The following GRM5 variants were observed in gnomAD, a reference collection of about 807,000 sequenced individuals.
The protein encoded by GRM5 is glutamate metabotropic receptor 5, also known as metabotropic glutamate receptor 5.
A neutral mutation model predicts 83.1 loss-of-function variants in GRM5; 19 were observed. The observed-to-expected ratio is 0.23, with a 90% CI of 0.16 to 0.34. GRM5 has a LOEUF of 0.34. Ranked by LOEUF, GRM5 falls within the 10% of genes least tolerant of loss-of-function variation. The probability of loss-of-function intolerance (pLI) is 1.00; values close to 1 mark genes in which losing one functional copy is unlikely to be tolerated. For missense variants in GRM5, 1,160 were observed against 1,588.3 expected (o/e 0.73, Z 4.58); for synonymous variants, 675 against 633.6 (o/e 1.07, Z -0.98).
At chr11:88,678,203 G>C (rs939663969) in intron 3 of GRM5, among the ~76,000 whole-genome samples, 3 of 151,900 alleles carry the variant, frequency 2.0e-5, no homozygotes, top group Non-Finnish European at 4.4e-5. Flanking sequence ...GACCTTCAGA[G>C]GTGTGCCACC....
At chr11:89,042,007 G>A (rs1398788204) in intron 2 of GRM5, among the ~76,000 whole-genome samples, 1 of 152,132 alleles carries the variant, frequency 6.6e-6, no homozygotes, top group African/African-American at 2.4e-5. Flanking sequence ...CTAATTTACA[G>A]ATCAAGAGCA....
chr11:88,831,795 A>G (rs2135520473), intron 3 of GRM5, among the ~76,000 whole-genome samples: 1 of 152,220 alleles, frequency 6.6e-6, no homozygotes, highest in Non-Finnish European at 1.5e-5. Flanking sequence ...TGCTACTCCC[A>G]TCACCAACAC....
intron 3 of GRM5, among the ~76,000 whole-genome samples, chr11:88,678,747 C>G (rs6483361): frequency 0.99 from 151,308 of 152,292 alleles, 75,175 homozygotes; most frequent in East Asian, 1. Flanking sequence ...TCTGAGGCTA[C>G]AAAGAATTCC....
intron 2 of GRM5, among the ~76,000 whole-genome samples, chr11:88,984,232 C>A (rs1939616747): frequency 6.6e-6 from 1 of 152,164 alleles, no homozygotes. Flanking sequence ...TCTAATCTTT[C>A]AAGCTTCATT....
chr11:89,008,324 A>G (rs1312759719), intron 2 of GRM5, among the ~76,000 whole-genome samples: 1 of 152,136 alleles, frequency 6.6e-6, no homozygotes, highest in African/African-American at 2.4e-5. Flanking sequence ...ATTCAAAATA[A>G]AATTAAATTT....
intron 2 of GRM5, among the ~76,000 whole-genome samples, chr11:88,977,371 C>T (rs1939376407): frequency 6.6e-6 from 1 of 151,994 alleles, no homozygotes; most frequent in African/African-American, 2.4e-5. Context: ...CGCCACCACA[C>T]CCAGCTAATT....
At chr11:88,530,389 A>C (rs1316352934) in intron 8 of GRM5, among the ~76,000 whole-genome samples, 1 of 151,984 alleles carries the variant, frequency 6.6e-6, no homozygotes, top group Non-Finnish European at 1.5e-5. Context: ...AGATTTAATA[A>C]ATTTCAGAAT....
intron 4 of GRM5, among the ~76,000 whole-genome samples, chr11:88,607,487 C>A (rs1418240235): frequency 6.6e-6 from 1 of 152,100 alleles, no homozygotes; most frequent in Non-Finnish European, 1.5e-5. Flanking sequence ...GCCCATCTTC[C>A]CTGCACTCCA....
chr11:88,972,791 A>C (rs1490718167), intron 2 of GRM5, among the ~76,000 whole-genome samples: 3 of 152,098 alleles, frequency 2.0e-5, no homozygotes, highest in Non-Finnish European at 4.4e-5. Context: ...TCTAGTGTAG[A>C]AATCTCACAG....
intron 2 of GRM5, among the ~76,000 whole-genome samples, chr11:89,039,278 A>AAT (rs201313831): frequency 0.015 from 2,244 of 149,124 alleles, 56 homozygotes; most frequent in Admixed American, 0.069. Context: ...ATAAAAAAAA[A>AAT]ATATATATAT....
At chr11:88,871,824 T>C (rs1239813063) in intron 2 of GRM5, among the ~76,000 whole-genome samples, 1 of 151,474 alleles carries the variant, frequency 6.6e-6, no homozygotes, top group East Asian at 1.9e-4. Flanking sequence ...CTTATTAAAG[T>C]TATTTACTAG....
At chr11:88,722,480 C>T (rs181556742) in intron 3 of GRM5, among the ~76,000 whole-genome samples, 69 of 152,242 alleles carry the variant, frequency 4.5e-4, no homozygotes, top group African/African-American at 1.6e-3. Context: ...AACTTTTGTA[C>T]ATTTCAGAAG....
intron 5 of GRM5, among the ~76,000 whole-genome samples, chr11:88,599,145 G>C (rs933279998): frequency 1.3e-5 from 2 of 152,098 alleles, no homozygotes; most frequent in Admixed American, 6.6e-5. Context: ...ATATTGTAAG[G>C]CTTTTATCTC....
chr11:88,961,135 G>C (rs1354619919), intron 2 of GRM5, among the ~76,000 whole-genome samples: 4 of 152,088 alleles, frequency 2.6e-5, no homozygotes, highest in African/African-American at 9.7e-5. Flanking sequence ...AATTCTTCAA[G>C]AATAGCCTAA....
intron 8 of GRM5, among the ~76,000 whole-genome samples, chr11:88,530,774 A>G (rs572844378): frequency 1.3e-5 from 2 of 152,200 alleles, no homozygotes; most frequent in East Asian, 3.9e-4. Flanking sequence ...AAATGTGTAT[A>G]TTAGGTGAAG....
chr11:88,729,174 A>G (rs1267927764), intron 3 of GRM5, among the ~76,000 whole-genome samples: 1 of 152,208 alleles, frequency 6.6e-6, no homozygotes, highest in Non-Finnish European at 1.5e-5. Context: ...AACTTCAGCA[A>G]AATCTCAGGA....
intron 3 of GRM5, among the ~76,000 whole-genome samples, chr11:88,730,258 C>T (rs182204719): frequency 1.1e-3 from 161 of 152,174 alleles, no homozygotes; most frequent in Middle Eastern, 6.8e-3. Flanking sequence ...ATGCGGCCAA[C>T]AAACATATAA....
At chr11:88,734,880 G>T (rs1941880525) in intron 3 of GRM5, among the ~76,000 whole-genome samples, 1 of 152,032 alleles carries the variant, frequency 6.6e-6, no homozygotes, top group South Asian at 2.1e-4. Context: ...ACAATATTTG[G>T]TAACCAGATG....
intron 2 of GRM5, among the ~76,000 whole-genome samples, chr11:89,044,440 T>C (rs1941600253): frequency 6.6e-6 from 1 of 152,158 alleles, no homozygotes; most frequent in Non-Finnish European, 1.5e-5. Context: ...ACATCGAAGC[T>C]GAAACCCAGT....
Sources: allele counts gnomAD v4.1 joint callset (sites outside exome capture counted in the v4.1 genomes callset), GRCh38; gene constraint gnomAD v4.1.1; transcripts MANE v1.5; gene names NCBI Gene and HGNC (gene_info 2026-07-23, HGNC 2026-07-21).